The following ATP1A2 variants were observed in gnomAD, a reference collection of about 807,000 sequenced individuals.
ATP1A2 encodes ATPase Na+/K+ transporting subunit alpha 2.
In ATP1A2, 56 loss-of-function variants were observed where a neutral mutation model predicts 113.1. That is an observed-to-expected ratio of 0.49 (90% CI 0.40 to 0.62). ATP1A2 has a LOEUF of 0.62. Ranked by LOEUF, ATP1A2 falls within the 20% of genes least tolerant of loss-of-function variation. The pLI, the probability that ATP1A2 is intolerant of heterozygous loss-of-function variation, is 0.00. For synonymous variants in ATP1A2, 490 were observed against 526.8 expected (o/e 0.93, Z 0.96); for missense variants, 712 against 1,357.8 (o/e 0.52, Z 7.47).
Position 160,141,833 on chromosome 1 carries a change from C to G in ATP1A2, c.*511C>G, listed in dbSNP as rs907113046. ...AAGGTTCTTCTGGTGAGTGCAAGAGCCTGAGACTGGAAAAGGTGGACTTGT... is the reference window on the plus strand; with the variant it reads ...AAGGTTCTTCTGGTGAGTGCAAGAGGCTGAGACTGGAAAAGGTGGACTTGT... On this transcript the variant is annotated 3_prime_UTR_variant, in exon 23 of 23. Transcript: ENST00000361216. 3.6e-5 allele frequency: 6 copies of G among 168,804 alleles called. No individual in the cohort carries two copies. Among genetic ancestry groups the G allele is most frequent in the East Asian group, 3.0e-4 (2 of 6,690 alleles). The allele number at this position is 168,804 out of a possible 1,614,324, so 10.5% of individuals were successfully genotyped here. A position where few individuals can be genotyped will look rare whatever the true frequency, so the allele number is the denominator to read the frequency against.
rs769793351 is a variant in ATP1A2 at position 160,121,235 on chromosome 1, A to G, written c.161A>G (p.Gln54Arg). 6.2e-7 allele frequency: 1 copy of G among 1,614,226 alleles called. No homozygotes were observed. Among genetic ancestry groups the G allele is most frequent in the South Asian group, 1.1e-5 (1 of 91,090 alleles). Residue 54 changes from glutamine to arginine, a missense_variant, in exon 3 of 23, where the codon CAA becomes CGA. Transcript: ENST00000361216. ...LSLDELGRKY[Q>R]VDLSKGLTNQ... The stretch of plus-strand genomic sequence containing the variant: ...TTGGATGAGCTGGGCCGCAAATACC[A>G]AGTGGACCTGTCCAAGGTGAGTGGA...
intron 18 of ATP1A2, 53 bp from the exon 19 acceptor site, chr1:160,136,517 C>G: frequency 6.2e-7 from 1 of 1,613,978 alleles, no homozygotes; most frequent in South Asian, 1.1e-5. Flanking sequence ...GGGGCTGTGC[C>G]CCTTCTGCTT....
intron 7 of ATP1A2, among the ~76,000 whole-genome samples, chr1:160,126,282 C>T (rs566647292): frequency 3.9e-5 from 6 of 152,164 alleles, no homozygotes; most frequent in East Asian, 3.9e-4. Context: ...CTTATAATAC[C>T]GAGTGCAATG....
At chr1:160,131,736 C>A (rs919551147) in intron 13 of ATP1A2, among the ~76,000 whole-genome samples, 3 of 151,556 alleles carry the variant, frequency 2.0e-5, no homozygotes, top group African/African-American at 7.3e-5. Flanking sequence ...GAGGCTGAGG[C>A]AGGAGAATCA....
intron 1 of ATP1A2, among the ~76,000 whole-genome samples, chr1:160,119,528 T>C (rs894015850): frequency 6.6e-6 from 1 of 152,020 alleles, no homozygotes; most frequent in African/African-American, 2.4e-5. Flanking sequence ...TTTTGGGAAC[T>C]TTTCATGGCT....
Position 160,120,763 on chromosome 1 carries a change from C to T in ATP1A2, c.13-143C>T. 5.0e-6 allele frequency: 4 copies of T among 793,864 alleles called. No homozygotes were observed. The South Asian group carries it at 6.6e-5, about 13-fold the overall frequency. The allele number at this position is 793,864 out of a possible 1,614,324, so 49.2% of individuals were successfully genotyped here. On this transcript the variant is annotated intron_variant, in intron 1 of 22. Coordinates refer to ENST00000361216, the MANE Select transcript of ATP1A2 (RefSeq NM_000702.4). ...CAAACTGAGGGCCTAGGGTCCCTCA[C>T]CCTCCATCCCCCCTATCTCCCCCAA...
At chr1:160,132,303 A>G (rs1651799424) in intron 13 of ATP1A2, among the ~76,000 whole-genome samples, 1 of 152,124 alleles carries the variant, frequency 6.6e-6, no homozygotes, top group African/African-American at 2.4e-5. Context: ...ACTTGGCTTA[A>G]ATGCCAGACT....
chr1:160,126,997 G>A (rs901735420), intron 7 of ATP1A2, among the ~76,000 whole-genome samples: 45 of 152,082 alleles, frequency 3.0e-4, no homozygotes, highest in African/African-American at 1.1e-3. Flanking sequence ...CACCGAGATA[G>A]GAATTCAAAT....
Position 160,135,920 on chromosome 1 carries a change from T to C in ATP1A2, c.2366T>C (p.Leu789Pro). Residue 789 changes from leucine to proline, a missense_variant, in exon 17 of 23, where the codon CTG (leucine) becomes CCG (proline). This residue lies in a region of ATP1A2 where 188 missense variants were observed against 438.9 expected (regional missense o/e 0.43). Coordinates refer to ENST00000361216, the MANE Select transcript of ATP1A2 (RefSeq NM_000702.4). This position sits in a 1 kb window ranked among gnomAD's most constrained non-coding sequence, Gnocchi z 6.3. ...ATCCCCGAGATCACCCCCTTCCTGCTGTTCATCATTGCCAACATCCCCCTA... is the reference window on the plus strand; with the variant it reads ...ATCCCCGAGATCACCCCCTTCCTGCCGTTCATCATTGCCAACATCCCCCTA... ...SNIPEITPFL[L>P]FIIANIPLPL... 1 of 1,613,984 alleles carries C rather than the reference T, an allele frequency of 6.2e-7. No individual in the cohort carries two copies. The highest frequency in any genetic ancestry group is 8.5e-7 in the Non-Finnish European group (1 of 1,179,976).
chr1:160,129,990 CTT>C, intron 11 of ATP1A2, 110 bp from the exon 12 acceptor site: 1 of 1,362,148 alleles, frequency 7.3e-7, no homozygotes, highest in Middle Eastern at 1.8e-4. Context: ...TGTTGACAAT[CTT>C]TGATGGGTTG....
chr1:160,127,483 G>A, intron 7 of ATP1A2, 69 bp from the exon 8 acceptor site: 1 of 1,609,146 alleles, frequency 6.2e-7, no homozygotes, highest in Non-Finnish European at 8.5e-7. Flanking sequence ...TCCTTGCTCA[G>A]GAAATAGGAT....
At chr1:160,137,274 TC>T in intron 20 of ATP1A2, 15 of 582,948 alleles carry the variant, frequency 2.6e-5, no homozygotes, top group Admixed American at 1.2e-4. Context: ...CTCCCTCCCT[TC>T]TTTCCCCCAT....
In ATP1A2 at chr1:160,135,656, C is replaced by G; in HGVS notation, c.2284+54C>G. 3 of 1,612,374 alleles carry G rather than the reference C, an allele frequency of 1.9e-6. No individual in the cohort carries two copies. The highest frequency in any genetic ancestry group is 2.5e-6 in the Non-Finnish European group (3 of 1,179,928). On this transcript the variant is annotated intron_variant, in intron 16 of 22. Coordinates refer to ENST00000361216, the MANE Select transcript of ATP1A2 (RefSeq NM_000702.4). The surrounding 1 kb of genome is among the most constrained non-coding windows in gnomAD (Gnocchi z 6.3). ...TTGCAGGATACTGAAGCCGGCACCTCTGTTCCCTGTCCCTTTACCCCAGTT... is the reference window on the plus strand; with the variant it reads ...TTGCAGGATACTGAAGCCGGCACCTGTGTTCCCTGTCCCTTTACCCCAGTT...
chr1:160,120,813 AC>A, intron 1 of ATP1A2, 92 bp from the exon 2 acceptor site: 2 of 1,313,866 alleles, frequency 1.5e-6, no homozygotes, highest in Non-Finnish European at 2.1e-6. Context: ...TTGAACACAC[AC>A]CCCCACTGCC....
rs1652171630 is a variant in ATP1A2 at position 160,142,095 on chromosome 1, C to G, written c.*773C>G. 1 of 152,734 alleles carries G rather than the reference C, an allele frequency of 6.5e-6. No homozygotes were observed. Among genetic ancestry groups the G allele is most frequent in the Admixed American group, 6.5e-5 (1 of 15,354 alleles). The allele number at this position is 152,734 out of a possible 1,614,324, so 9.5% of individuals were successfully genotyped here. ...CATCAGGGTAGCAGCAGAGGCAGGACCAGAAGGCAATCAAGAGCTTCCAGA... is the reference window on the plus strand; with the variant it reads ...CATCAGGGTAGCAGCAGAGGCAGGAGCAGAAGGCAATCAAGAGCTTCCAGA... On this transcript the variant is annotated 3_prime_UTR_variant, in exon 23 of 23. Transcript: ENST00000361216.
In ATP1A2 at chr1:160,136,728, G is replaced by A. The variant is rs371943114; in HGVS notation, c.2709+13G>A. 3.7e-6 allele frequency: 6 copies of A among 1,614,082 alleles called. No individual in the cohort carries two copies. In the African/African-American group the frequency reaches 8.0e-5, roughly 22 times the overall value. ...TGGACAGGAGTGGGTGAGTGGTGCT[G>A]TGTAAACACAGCGCACATGTGTGAA... On this transcript the variant is annotated intron_variant, in intron 19 of 22. Coordinates refer to ENST00000361216, the MANE Select transcript of ATP1A2 (RefSeq NM_000702.4).
chr1:160,122,319 C>T (rs996769038), intron 3 of ATP1A2, among the ~76,000 whole-genome samples: 1 of 151,998 alleles, frequency 6.6e-6, no homozygotes, highest in African/African-American at 2.4e-5. Context: ...ATCATAAGCT[C>T]CTCAAGGGCA....
chr1:160,135,377 C>A lies in ATP1A2; in HGVS notation c.2116-57C>A. Reference sequence around the variant, plus strand: ...GCCAAGACAAGCATGGAGTGAGAGGCGAGGAGCCAGGCTTGGGAAGGGGTT... The same window carrying A: ...GCCAAGACAAGCATGGAGTGAGAGGAGAGGAGCCAGGCTTGGGAAGGGGTT... On this transcript the variant is annotated intron_variant, in intron 15 of 22. Transcript: ENST00000361216. The surrounding 1 kb of genome is among the most constrained non-coding windows in gnomAD (Gnocchi z 6.3). 6.2e-7 allele frequency: 1 copy of A among 1,614,100 alleles called. No homozygotes were observed. Among genetic ancestry groups the A allele is most frequent in the Non-Finnish European group, 8.5e-7 (1 of 1,180,016 alleles).
chr1:160,117,635 C>A (rs1175334580), intron 1 of ATP1A2, among the ~76,000 whole-genome samples: 1 of 152,146 alleles, frequency 6.6e-6, no homozygotes, highest in Non-Finnish European at 1.5e-5. Context: ...AGGCATCTGA[C>A]ACCCACAACC....
Sources: gnomAD v4.1 joint callset for allele counts (sites outside exome capture counted in the v4.1 genomes callset) on GRCh38, gnomAD v4.1.1 for gene constraint, gnomAD v4.1.1 regional missense constraint, Gnocchi (gnomAD v3.1) non-coding constraint, MANE v1.5 for transcripts, NCBI Gene and HGNC (gene_info 2026-07-23, HGNC 2026-07-21) for gene names.